FAM135B: variants seen among roughly 807,000 people sequenced by gnomAD.
The protein encoded by FAM135B is protein FAM135B.
Under a neutral mutation model 127.7 loss-of-function variants are expected in FAM135B, and 43 were observed. That is an observed-to-expected ratio of 0.34 (90% CI 0.26 to 0.43). FAM135B has a LOEUF of 0.43. Ranked by LOEUF, FAM135B falls within the 20% of genes least tolerant of loss-of-function variation. The probability of loss-of-function intolerance (pLI) is 1.00; values close to 1 mark genes in which losing one functional copy is unlikely to be tolerated. For missense variants in FAM135B, 1,558 were observed against 1,725.6 expected, an observed-to-expected ratio of 0.90 and a Z score of 1.72; for synonymous variants, 670 against 665.1, an observed-to-expected ratio of 1.01 and a Z score of -0.11.
chr8:138,375,568 G>A (rs926933829), intron 1 of FAM135B, among the ~76,000 whole-genome samples: 1 of 152,162 alleles, frequency 6.6e-6, no homozygotes, highest in Non-Finnish European at 1.5e-5. Flanking sequence ...GACAACAGAT[G>A]TCAGACCCAG....
intron 1 of FAM135B, among the ~76,000 whole-genome samples, chr8:138,444,214 A>C (rs1281877327): frequency 2.0e-5 from 3 of 152,090 alleles, no homozygotes; most frequent in African/African-American, 7.2e-5. Flanking sequence ...AAACTTTAAC[A>C]CCCCACTGTC....
chr8:138,208,671 C>T (rs1453667950), intron 7 of FAM135B, among the ~76,000 whole-genome samples: 1 of 152,194 alleles, frequency 6.6e-6, no homozygotes, highest in Non-Finnish European at 1.5e-5. Context: ...CTTTGCTGCC[C>T]TCAGAGGGCA....
chr8:138,140,517 A>G (rs1817043324), intron 17 of FAM135B, among the ~76,000 whole-genome samples: 1 of 152,212 alleles, frequency 6.6e-6, no homozygotes, highest in Non-Finnish European at 1.5e-5. Flanking sequence ...CAAGGTCTAC[A>G]GGGTAAGTCT....
rs1587285240 is a variant in FAM135B at position 138,377,323 on chromosome 8, A to C, written c.-19-9321T>G. Among the ~76,000 whole-genome samples the C allele has an allele frequency of 5.3e-5, 8 of 152,334 alleles. No individual in the cohort carries two copies. In the South Asian group the frequency reaches 1.7e-3, roughly 32 times the overall value. On this transcript the variant is annotated intron_variant, in intron 1 of 19. Transcript: ENST00000395297. ...GGAAGAGACCTCTCATGTACAGAGG[A>C]ATATTGTGAGAATAGAGAAGGGATC...
Position 138,359,467 on chromosome 8 carries a change from A to G in FAM135B, c.77+8440T>C, listed in dbSNP as rs16908926. On this transcript the variant is annotated intron_variant, in intron 2 of 19. Coordinates refer to ENST00000395297, the MANE Select transcript of FAM135B (RefSeq NM_015912.4). ...GACACTCTACCTTCACAAATGCACCATTGTCAAAGCTGTCGTAATGTTAAA... is the reference window on the plus strand; with the variant it reads ...GACACTCTACCTTCACAAATGCACCGTTGTCAAAGCTGTCGTAATGTTAAA... Among the ~76,000 whole-genome samples the G allele has an allele frequency of 8.9e-3, 1,359 of 152,292 alleles. 26 individuals are homozygous for G. The highest frequency in any genetic ancestry group is 0.031 in the African/African-American group (1,296 of 41,556).
At chr8:138,333,011 T>C (rs2131004421) in intron 2 of FAM135B, among the ~76,000 whole-genome samples, 1 of 151,552 alleles carries the variant, frequency 6.6e-6, no homozygotes, top group East Asian at 2.0e-4. Flanking sequence ...ACACACACGC[T>C]TGTATTTTAG....
chr8:138,137,301 T>A, intron 18 of FAM135B, 41 bp from the exon 19 acceptor site: 2 of 1,099,836 alleles, frequency 1.8e-6, no homozygotes, highest in Non-Finnish European at 2.8e-6. Flanking sequence ...ACCCAGGTAG[T>A]TTCAACTTCA....
At chr8:138,135,769 C>CA (rs1816604774) in intron 19 of FAM135B, among the ~76,000 whole-genome samples, 1 of 152,132 alleles carries the variant, frequency 6.6e-6, no homozygotes, top group East Asian at 1.9e-4. Flanking sequence ...CTTCCAGAAG[C>CA]AAGCTCTATG....
chr8:138,135,513 A>G (rs1267353182), intron 19 of FAM135B, among the ~76,000 whole-genome samples: 2 of 152,200 alleles, frequency 1.3e-5, no homozygotes, highest in Non-Finnish European at 2.9e-5. Flanking sequence ...AAATATCTTT[A>G]AATTAATATT....
rs1554634617 is a variant in FAM135B at position 138,217,432 on chromosome 8, C to CTTTCT, written c.670-19764_670-19763insAGAAA. ...TATTCATTTGTTCTCTGATATATTT[C>CTTTCT]TTTTTTTTTTTTTTTTGAGATGGAG... On this transcript the variant is annotated intron_variant, in intron 7 of 19. Transcript: ENST00000395297. Among the ~76,000 whole-genome samples the CTTTCT allele has an allele frequency of 1.5e-3, 194 of 129,254 alleles. 4 individuals are homozygous for CTTTCT. Among genetic ancestry groups the CTTTCT allele is most frequent in the African/African-American group, 5.3e-3 (179 of 33,712 alleles). 84.8% of individuals were successfully genotyped at this position (129,254 alleles called of 152,430 possible). A position where few individuals can be genotyped will look rare whatever the true frequency, so the allele number is the denominator to read the frequency against.
Position 138,132,845 on chromosome 8 carries a change from G to T in FAM135B, c.4016-47C>A. 6.4e-7 allele frequency: 1 copy of T among 1,557,894 alleles called. No homozygotes were observed. The highest frequency in any genetic ancestry group is 8.8e-7 in the Non-Finnish European group (1 of 1,130,016). The stretch of plus-strand genomic sequence containing the variant: ...CATGAAGCTGGTGCAGAAATTAGCA[G>T]TGGAATCTAGAGAACATCACTAGAT... On this transcript the variant is annotated intron_variant, in intron 19 of 19. Coordinates refer to ENST00000395297, the MANE Select transcript of FAM135B (RefSeq NM_015912.4). This position sits in a 1 kb window ranked among gnomAD's most constrained non-coding sequence, Gnocchi z 4.5.
chr8:138,381,444 CT>C (rs1268758467), intron 1 of FAM135B, among the ~76,000 whole-genome samples: 2 of 152,158 alleles, frequency 1.3e-5, no homozygotes, highest in Non-Finnish European at 2.9e-5. Flanking sequence ...AGCCCCCAAC[CT>C]TGCCTTGTGC....
chr8:138,437,271 A>C (rs1240359324), intron 1 of FAM135B: 2 of 152,348 alleles, frequency 1.3e-5, no homozygotes, highest in South Asian at 2.1e-4. Context: ...TGATATAGTT[A>C]GGCTTTGTGT....
intron 12 of FAM135B, among the ~76,000 whole-genome samples, chr8:138,157,032 A>G (rs564871457): frequency 2.0e-5 from 3 of 152,354 alleles, no homozygotes; most frequent in South Asian, 2.1e-4. Flanking sequence ...ATAAACATCA[A>G]TGCAAAAATC....
At chr8:138,296,831 T>C (rs1007795026) in intron 3 of FAM135B, among the ~76,000 whole-genome samples, 4 of 152,184 alleles carry the variant, frequency 2.6e-5, no homozygotes, top group Non-Finnish European at 5.9e-5. Context: ...TAAAATTGAT[T>C]TTTTTAATAA....
intron 12 of FAM135B, among the ~76,000 whole-genome samples, chr8:138,153,977 C>A (rs577614227): frequency 2.2e-4 from 33 of 152,332 alleles, no homozygotes; most frequent in Non-Finnish European, 3.2e-4. Flanking sequence ...TGAGAACAGA[C>A]AGACTGCCTC....
At chr8:138,293,590 C>T (rs1283627584) in intron 3 of FAM135B, among the ~76,000 whole-genome samples, 4 of 151,882 alleles carry the variant, frequency 2.6e-5, no homozygotes, top group African/African-American at 7.3e-5. Context: ...GCAAATGACA[C>T]GAATAGACAT....
intron 7 of FAM135B, among the ~76,000 whole-genome samples, chr8:138,219,050 G>A (rs1442684842): frequency 1.3e-5 from 2 of 152,172 alleles, no homozygotes; most frequent in African/African-American, 2.4e-5. Flanking sequence ...AGTGAGAGCT[G>A]TATCTGTAAC....
chr8:138,371,968 T>C (rs1211636206), intron 1 of FAM135B, among the ~76,000 whole-genome samples: 1 of 152,172 alleles, frequency 6.6e-6, no homozygotes, highest in Admixed American at 6.5e-5. Flanking sequence ...CTTGCCCTCA[T>C]GATGCTCAGG....
Sources: gnomAD v4.1 joint callset for allele counts (sites outside exome capture counted in the v4.1 genomes callset) on GRCh38, gnomAD v4.1.1 for gene constraint, Gnocchi (gnomAD v3.1) non-coding constraint, MANE v1.5 for transcripts, NCBI Gene and HGNC (gene_info 2026-07-23, HGNC 2026-07-21) for gene names.